Variants in THOP1 observed in about 807,000 individuals in gnomAD.
THOP1 encodes the protein thimet oligopeptidase.
THOP1 carries 49 observed loss-of-function variants against 71.8 expected under a neutral mutation model. The ratio of observed to expected loss-of-function variants is 0.68; its 90% CI spans 0.54 to 0.87. THOP1 has a LOEUF of 0.87. THOP1 is among the 40% of genes least tolerant of loss of function. THOP1 has a pLI of 0.00. For missense variants in THOP1, 843 were observed against 975.6 expected (o/e 0.86, Z 1.81); for synonymous variants, 426 against 421.5 (o/e 1.01, Z -0.13).
At chr19:2,796,059 T>A (rs1916005704) in intron 3 of THOP1, 22 bp from the exon 4 acceptor site, 1 of 1,600,316 alleles carries the variant, frequency 6.2e-7, no homozygotes, top group Non-Finnish European at 8.6e-7. Context: ...ACGTCCTACA[T>A]GCTTTGATGT....
At chr19:2,799,901 G>A in intron 5 of THOP1, 110 bp downstream of exon 5, 1 of 1,000,430 alleles carries the variant, frequency 1.0e-6, no homozygotes, top group Non-Finnish European at 1.5e-6. Flanking sequence ...GTGCTGAAGG[G>A]CGGCGGGAGG....
intron 12 of THOP1, chr19:2,812,038 C>T (rs1287344947): frequency 1.9e-6 from 2 of 1,079,512 alleles, no homozygotes; most frequent in South Asian, 3.5e-5. Context: ...AAGCTCCACA[C>T]TGGCCCCTCA....
intron 6 of THOP1, 171 bp from the exon 7 acceptor site, chr19:2,806,746 A>C: frequency 8.7e-7 from 1 of 1,150,838 alleles, no homozygotes. Context: ...GGATTATGAT[A>C]ACGCTGGTGG....
intron 5 of THOP1, among the ~76,000 whole-genome samples, chr19:2,800,295 C>G (rs779058004): frequency 4.6e-5 from 7 of 152,226 alleles, no homozygotes; most frequent in Non-Finnish European, 7.3e-5. Flanking sequence ...AAGTGATTCT[C>G]CTGTCTCAGC....
At chr19:2,812,014 C>A in intron 12 of THOP1, 3 of 1,030,608 alleles carry the variant, frequency 2.9e-6, no homozygotes, top group Non-Finnish European at 4.1e-6. Context: ...CAGCTCCTCC[C>A]TGGGCCCTGC....
rs866756791 is a variant in THOP1 at position 2,801,044 on chromosome 19, C to T, written c.589+1253C>T. ...GACTGGGCGTCCAGCTCAAATCTGCCTCCTGTGCCAGCTTTCAGGCAGTAC... is the reference window on the plus strand; with the variant it reads ...GACTGGGCGTCCAGCTCAAATCTGCTTCCTGTGCCAGCTTTCAGGCAGTAC... On this transcript the variant is annotated intron_variant, in intron 5 of 12. Transcript: ENST00000307741. The surrounding 1 kb of genome is among the most constrained non-coding windows in gnomAD (Gnocchi z 5.1). 6.6e-6 allele frequency among the ~76,000 whole-genome samples: 1 copy of T among 152,242 alleles called. No individual in the cohort carries two copies. The highest frequency in any genetic ancestry group is 2.4e-5 in the African/African-American group (1 of 41,464).
At chr19:2,799,648 C>T (rs1349771868) in intron 4 of THOP1, 41 bp from the exon 5 acceptor site, 7 of 1,546,042 alleles carry the variant, frequency 4.5e-6, no homozygotes, top group African/African-American at 1.4e-5. Flanking sequence ...CGGAGCCCGC[C>T]CCGGTCTCTC....
Position 2,813,994 on chromosome 19 carries a change from C to G in THOP1, c.*718C>G, listed in dbSNP as rs552863968. 1 of 152,368 alleles carries G rather than the reference C, an allele frequency of 6.6e-6. No homozygotes were observed. The highest frequency in any genetic ancestry group is 1.5e-5 in the Non-Finnish European group (1 of 68,206). The allele number at this position is 152,368 out of a possible 1,614,324, so 9.4% of individuals were successfully genotyped here. The stretch of plus-strand genomic sequence containing the variant: ...CACCCTCTCATCCACAGGGGAAGGC[C>G]GGGCTCACTCCAGCTTCCTAGGCAG... On this transcript the variant is annotated 3_prime_UTR_variant, in exon 13 of 13. Coordinates refer to ENST00000307741, the MANE Select transcript of THOP1 (RefSeq NM_003249.5).
chr19:2,807,345 A>G (rs1916318602), intron 7 of THOP1, 97 bp from the exon 8 acceptor site: 5 of 1,452,820 alleles, frequency 3.4e-6, no homozygotes, highest in South Asian at 1.4e-5. Flanking sequence ...TCCCTTCCAA[A>G]TGGGGAGCCT....
chr19:2,811,841 G>T (rs563339119), intron 12 of THOP1, 107 bp downstream of exon 12: 224 of 1,379,388 alleles, frequency 1.6e-4, no homozygotes, highest in Non-Finnish European at 1.9e-4. Context: ...ACTGGGGACA[G>T]GGAGGGCGTC....
At chr19:2,785,708 G>T in intron 1 of THOP1, 30 bp downstream of exon 1, 1 of 1,427,930 alleles carries the variant, frequency 7.0e-7, no homozygotes, top group South Asian at 1.6e-5. Flanking sequence ...CCGGACCCGG[G>T]CGTCCCCTGC....
At position 2,806,817 on chromosome 19, in the gene THOP1, G is replaced by A. The variant is rs549353489; in HGVS notation, c.751-100G>A. ...GAGGGGCAGGGACCGGAGGTCAGAC[G>A]GAGCTGGATATGAGCCTTTGGCCCT... On this transcript the variant is annotated intron_variant, in intron 6 of 12. Transcript: ENST00000307741. 3.6e-5 allele frequency: 57 copies of A among 1,582,346 alleles called. No individual in the cohort carries two copies. In the African/African-American group the frequency reaches 5.1e-4, roughly 14 times the overall value.
In THOP1 at chr19:2,807,009, G is replaced by A; in HGVS notation, c.843G>A (p.Glu281=). The change falls in exon 7 of 13, where the codon GAG becomes GAA. Residue 281 remains glutamate (E), a synonymous_variant. Transcript: ENST00000307741. Reference sequence around the variant, plus strand: ...ACACGCACGCCGACTATGTCCTGGAGATGAACATGGCCAAGACCAGCCAGA... The same window carrying A: ...ACACGCACGCCGACTATGTCCTGGAAATGAACATGGCCAAGACCAGCCAGA... ...GFHTHADYVL[E]MNMAKTSQTV... 1 of 1,612,892 alleles carries A rather than the reference G, an allele frequency of 6.2e-7. No homozygotes were observed. Among genetic ancestry groups the A allele is most frequent in the Non-Finnish European group, 8.5e-7 (1 of 1,179,794 alleles).
chr19:2,811,517 G>T, intron 11 of THOP1, 81 bp from the exon 12 acceptor site: 3 of 1,537,020 alleles, frequency 2.0e-6, no homozygotes, highest in Non-Finnish European at 2.6e-6. Context: ...GGGGTCTCAG[G>T]AGTCTGGCTG....
At position 2,801,758 on chromosome 19, in the gene THOP1, G is replaced by A. The variant is rs1916148211; in HGVS notation, c.589+1967G>A. ...GACTCTGGAGCCCTGAGGCGGCCAG[G>A]GTGTCACATGGCAAGGGGAGGGGGC... On this transcript the variant is annotated intron_variant, in intron 5 of 12. Transcript: ENST00000307741. This position sits in a 1 kb window ranked among gnomAD's most constrained non-coding sequence, Gnocchi z 5.1. 6.6e-6 allele frequency among the ~76,000 whole-genome samples: 1 copy of A among 152,076 alleles called. No homozygotes were observed. Among genetic ancestry groups the A allele is most frequent in the Non-Finnish European group, 1.5e-5 (1 of 67,990 alleles).
intron 4 of THOP1, among the ~76,000 whole-genome samples, chr19:2,797,806 C>T (rs1916054877): frequency 6.6e-6 from 1 of 152,206 alleles, no homozygotes; most frequent in African/African-American, 2.4e-5. Flanking sequence ...GCCATAGCCC[C>T]ATGGCTGTCC....
intron 1 of THOP1, 38 bp downstream of exon 1, chr19:2,785,716 T>A: frequency 7.2e-7 from 1 of 1,388,492 alleles, no homozygotes; most frequent in Non-Finnish European, 9.4e-7. Flanking sequence ...GGGCGTCCCC[T>A]GCACCCTCGC....
chr19:2,807,268 C>T (rs72982710), intron 7 of THOP1, among the ~76,000 whole-genome samples, 174 bp from the exon 8 acceptor site: 64 of 152,270 alleles, frequency 4.2e-4, no homozygotes, highest in Non-Finnish European at 8.1e-4. Flanking sequence ...CACCCGGCCC[C>T]GCCGCCCCCT....
intron 5 of THOP1, among the ~76,000 whole-genome samples, chr19:2,802,728 C>G (rs956156482): frequency 1.3e-5 from 2 of 152,208 alleles, no homozygotes; most frequent in African/African-American, 2.4e-5. Context: ...GTTGCCATGT[C>G]CATGGATGAC....
Sources: allele counts gnomAD v4.1 joint callset (sites outside exome capture counted in the v4.1 genomes callset), GRCh38; gene constraint gnomAD v4.1.1; non-coding constraint Gnocchi (gnomAD v3.1); transcripts MANE v1.5; gene names NCBI Gene and HGNC (gene_info 2026-07-23, HGNC 2026-07-21).